The following CACNA1C variants were observed in gnomAD, a reference collection of about 807,000 sequenced individuals.
CACNA1C encodes voltage-dependent L-type calcium channel subunit alpha-1C.
CACNA1C carries 30 observed loss-of-function variants against 229.0 expected under a neutral mutation model. That is an observed-to-expected ratio of 0.13 (90% confidence interval 0.10 to 0.18). CACNA1C has a LOEUF of 0.18. Ranked by LOEUF, CACNA1C falls within the 10% of genes least tolerant of loss-of-function variation. CACNA1C has a pLI of 1.00. For synonymous variants in CACNA1C, 1,114 were observed against 1,132.5 expected, an observed-to-expected ratio of 0.98 and a Z score of 0.33; for missense variants, 1,658 against 2,845.0, an observed-to-expected ratio of 0.58 and a Z score of 9.49.
At chr12:2,671,250 T>C (rs186471623) in intron 38 of CACNA1C, among the ~76,000 whole-genome samples, 3 of 152,240 alleles carry the variant, frequency 2.0e-5, no homozygotes. Flanking sequence ...CCTGACCTTG[T>C]GATCTGCCCG....
intron 3 of CACNA1C, among the ~76,000 whole-genome samples, chr12:2,218,338 T>C (rs189918254): frequency 1.4e-3 from 218 of 152,338 alleles, no homozygotes; most frequent in African/African-American, 5.2e-3. Context: ...ACCTGCTTTA[T>C]GGCAAACTCA....
chr12:2,517,791 C>G (rs2099800348), intron 9 of CACNA1C, among the ~76,000 whole-genome samples: 1 of 152,196 alleles, frequency 6.6e-6, no homozygotes, highest in Non-Finnish European at 1.5e-5. Context: ...GACGTTAAAT[C>G]TAATAGAAGG....
chr12:2,106,595 GGA>G, intron 1 of CACNA1C, among the ~76,000 whole-genome samples: 1 of 118,348 alleles, frequency 8.4e-6, no homozygotes, highest in Non-Finnish European at 1.8e-5. Context: ...TGCTCACCCT[GGA>G]GAGGGTTTCC....
At chr12:2,518,600 G>A (rs1229087029) in intron 9 of CACNA1C, among the ~76,000 whole-genome samples, 2 of 148,172 alleles carry the variant, frequency 1.3e-5, no homozygotes, top group Non-Finnish European at 3.0e-5. Flanking sequence ...AGAGCCAGAC[G>A]CTGTCTCAAA....
rs1373473683 is a variant in CACNA1C at position 2,602,619 on chromosome 12, A to G, written c.2960+659A>G. ...AGTGCATGTATGTGTGTGACTGTGT[A>G]TATTTGTGTCTTGTGTGTGTGTGTG... On this transcript the variant is annotated intron_variant, in intron 22 of 46. Coordinates refer to ENST00000399655, the MANE Select transcript of CACNA1C (RefSeq NM_000719.7). This position sits in a 1 kb window ranked among gnomAD's most constrained non-coding sequence, Gnocchi z 4.4. Among the ~76,000 whole-genome samples, 1 of 133,210 alleles carries G rather than the reference A, an allele frequency of 7.5e-6. No individual in the cohort carries two copies. Among genetic ancestry groups the G allele is most frequent in the East Asian group, 2.2e-4 (1 of 4,648 alleles). 87.4% of individuals were successfully genotyped at this position (133,210 alleles called of 152,430 possible). A position where few individuals can be genotyped will look rare whatever the true frequency, so the allele number is the denominator to read the frequency against.
In CACNA1C at chr12:2,694,343, C is replaced by A. The variant is rs1385751715; in HGVS notation, c.*3144C>A. On this transcript the variant is annotated 3_prime_UTR_variant, in exon 47 of 47. Transcript: ENST00000399655. ...TAATTGTCACATCTTCCATACCCCT[C>A]CTGACAGCCCCCAAGTGTCAGGAGA... 6.6e-6 allele frequency: 1 copy of A among 152,206 alleles called. No individual in the cohort carries two copies. The highest frequency in any genetic ancestry group is 1.5e-5 in the Non-Finnish European group (1 of 68,034). The allele number at this position is 152,206 out of a possible 1,614,324, so 9.4% of individuals were successfully genotyped here.
chr12:2,030,043 G>A (rs1157304916), intron 1 of CACNA1C, among the ~76,000 whole-genome samples: 1 of 152,148 alleles, frequency 6.6e-6, no homozygotes, highest in East Asian at 1.9e-4. Context: ...ACAACCTCAA[G>A]CCTGACAGGG....
chr12:2,487,247 A>G (rs928762390), intron 6 of CACNA1C, among the ~76,000 whole-genome samples: 3 of 151,776 alleles, frequency 2.0e-5, no homozygotes, highest in African/African-American at 7.3e-5. Context: ...TTGGTGGAAA[A>G]AGGGGAGCAT....
intron 3 of CACNA1C, among the ~76,000 whole-genome samples, chr12:2,286,028 C>T (rs1037983727): frequency 5.3e-5 from 8 of 152,116 alleles, no homozygotes; most frequent in Non-Finnish European, 7.3e-5. Context: ...CTAGTCCTGT[C>T]GCCTGTTTTC....
At chr12:2,461,637 T>C (rs2098027) in intron 5 of CACNA1C, among the ~76,000 whole-genome samples, 64,806 of 152,048 alleles carry the variant, frequency 0.43, 14,009 homozygotes, top group East Asian at 0.71. Flanking sequence ...TTAGCAAGAC[T>C]CATGGCAGAA....
intron 1 of CACNA1C, among the ~76,000 whole-genome samples, chr12:1,995,093 T>G (rs969473175): frequency 6.6e-6 from 1 of 152,236 alleles, no homozygotes; most frequent in East Asian, 1.9e-4. Flanking sequence ...ATTTAATGTT[T>G]TGTTTAATTG....
intron 3 of CACNA1C, among the ~76,000 whole-genome samples, chr12:2,278,654 T>A (rs997926589): frequency 6.6e-6 from 1 of 152,256 alleles, no homozygotes; most frequent in African/African-American, 2.4e-5. Flanking sequence ...TTGAGCTGTT[T>A]CCAGTTTTGA....
intron 3 of CACNA1C, among the ~76,000 whole-genome samples, chr12:2,255,145 A>G (rs2076922862): frequency 6.6e-6 from 1 of 152,002 alleles, no homozygotes; most frequent in African/African-American, 2.4e-5. Flanking sequence ...TGGGCAAGTC[A>G]GATTTCCTCT....
At chr12:2,071,675 A>G (rs1489727823) in intron 1 of CACNA1C, among the ~76,000 whole-genome samples, 1 of 152,188 alleles carries the variant, frequency 6.6e-6, no homozygotes, top group Non-Finnish European at 1.5e-5. Context: ...ATCCTCTGCT[A>G]CACTCTGGAT....
chr12:2,624,071 G>A (rs999016981), intron 29 of CACNA1C, among the ~76,000 whole-genome samples: 1 of 152,178 alleles, frequency 6.6e-6, no homozygotes, highest in Non-Finnish European at 1.5e-5. Flanking sequence ...ACTACCTCAG[G>A]CCAAAGTTCT....
chr12:2,295,464 C>A (rs1023972342), intron 3 of CACNA1C, among the ~76,000 whole-genome samples: 2 of 152,154 alleles, frequency 1.3e-5, no homozygotes, highest in African/African-American at 4.8e-5. Flanking sequence ...TGCCTGGATA[C>A]CCCAATTTCT....
At chr12:2,621,430 C>T (rs1363826323) in intron 29 of CACNA1C, among the ~76,000 whole-genome samples, 1 of 152,138 alleles carries the variant, frequency 6.6e-6, no homozygotes, top group Non-Finnish European at 1.5e-5. Flanking sequence ...GAGAGTGGCG[C>T]GTGAAAAGGA....
intron 1 of CACNA1C, among the ~76,000 whole-genome samples, chr12:2,002,847 ACTGT>A (rs1406561911): frequency 3.3e-5 from 5 of 152,174 alleles, no homozygotes; most frequent in African/African-American, 4.8e-5. Context: ...CATGGAGGAA[ACTGT>A]CTATGTTGCT....
In CACNA1C at chr12:2,255,158, G is replaced by C. The variant is rs150732786; in HGVS notation, c.477+134728G>C. ...CTTGGGCAAGTCAGATTTCCTCTCT[G>C]TTTGCCATCTGCAAAATATGGATAC... is the stretch of plus-strand genomic sequence containing the variant. On this transcript the variant is annotated intron_variant, in intron 3 of 46. Transcript: ENST00000399655. 3.2e-3 allele frequency among the ~76,000 whole-genome samples: 488 copies of C among 150,606 alleles called. 2 individuals are homozygous for C. The highest frequency in any genetic ancestry group is 0.011 in the African/African-American group (458 of 41,018).
Sources: gnomAD v4.1 joint callset for allele counts (sites outside exome capture counted in the v4.1 genomes callset) on GRCh38, gnomAD v4.1.1 for gene constraint, Gnocchi (gnomAD v3.1) non-coding constraint, MANE v1.5 for transcripts, NCBI Gene and HGNC (gene_info 2026-07-23, HGNC 2026-07-21) for gene names.